The following TMEM51 variants were observed in gnomAD, a reference collection of about 807,000 sequenced individuals.
TMEM51 encodes chromosome 1 open reading frame 72.
Under a neutral mutation model 13.6 loss-of-function variants are expected in TMEM51, and 8 were observed. The observed-to-expected ratio is 0.59, with a 90% CI of 0.35 to 1.07. The LOEUF (loss-of-function observed/expected upper bound fraction) is 1.07, where lower values mean the gene tolerates loss of function less well. TMEM51 is among the 50% of genes least tolerant of loss of function. The probability of loss-of-function intolerance (pLI) is 0.02; values close to 1 mark genes in which losing one functional copy is unlikely to be tolerated. For synonymous variants in TMEM51, 147 were observed against 144.4 expected (o/e 1.02, Z -0.13); for missense variants, 279 against 330.7 (o/e 0.84, Z 1.21).
At chr1:15,192,374 T>A (rs1643940828) in intron 1 of TMEM51, 7 of 408,068 alleles carry the variant, frequency 1.7e-5, no homozygotes, top group Non-Finnish European at 4.8e-6. Flanking sequence ...CACACTAGTA[T>A]CAGGAACTCC....
At chr1:15,176,643 A>G (rs1408986348) in intron 1 of TMEM51, among the ~76,000 whole-genome samples, 2 of 152,146 alleles carry the variant, frequency 1.3e-5, no homozygotes, top group African/African-American at 4.8e-5. Context: ...GAGAGAGAAC[A>G]TGTTTTTCTC....
At chr1:15,159,462 C>T (rs1403289687) in intron 1 of TMEM51, among the ~76,000 whole-genome samples, 1 of 152,252 alleles carries the variant, frequency 6.6e-6, no homozygotes, top group Non-Finnish European at 1.5e-5. Flanking sequence ...GCCAACAACC[C>T]AATTTATATT....
rs1642789147 is a variant in TMEM51 at position 15,161,753 on chromosome 1, A to G, written c.-267+7799A>G. Among the ~76,000 whole-genome samples, 1 of 151,754 alleles carries G rather than the reference A, an allele frequency of 6.6e-6. No individual in the cohort carries two copies. Among genetic ancestry groups the G allele is most frequent in the Non-Finnish European group, 1.5e-5 (1 of 68,010 alleles). On this transcript the variant is annotated intron_variant, in intron 1 of 3. Transcript: ENST00000376008. The surrounding 1 kb of genome is among the most constrained non-coding windows in gnomAD (Gnocchi z 4.0). ...AGACCATCCTGGCCAACATGGTGAA[A>G]CCCAGTCTTTACTAAAAATACAAAA... is the stretch of plus-strand genomic sequence containing the variant.
intron 1 of TMEM51, chr1:15,192,214 C>T (rs1036708948): frequency 2.6e-6 from 1 of 382,638 alleles, no homozygotes; most frequent in Non-Finnish European, 5.2e-6. Context: ...TGTAAGAGAT[C>T]TTTCTAAATC....
At chr1:15,199,084 C>T (rs1644103863) in intron 1 of TMEM51, among the ~76,000 whole-genome samples, 1 of 152,154 alleles carries the variant, frequency 6.6e-6, no homozygotes, top group South Asian at 2.1e-4. Context: ...TGCCATAATG[C>T]CATGCTGGCT....
In TMEM51 at chr1:15,184,547, C is replaced by T. The variant is rs373044567; in HGVS notation, c.-266-25943C>T. Among the ~76,000 whole-genome samples, 7 of 152,206 alleles carry T rather than the reference C, an allele frequency of 4.6e-5. No individual in the cohort carries two copies. In the South Asian group the frequency reaches 1.2e-3, roughly 27 times the overall value. On this transcript the variant is annotated intron_variant, in intron 1 of 3. Transcript: ENST00000376008. ...TTCTAGAAGCTCATTTTGGCTGCTG[C>T]GTAAAGACTTGCTAGGGCCAGGGCA...
At chr1:15,198,858 G>A (rs537206768) in intron 1 of TMEM51, among the ~76,000 whole-genome samples, 14 of 152,322 alleles carry the variant, frequency 9.2e-5, no homozygotes, top group East Asian at 1.9e-4. Flanking sequence ...GAGCTGTGCC[G>A]GGCAGGTGAC....
chr1:15,184,154 C>T (rs1464017368), intron 1 of TMEM51, among the ~76,000 whole-genome samples: 2 of 89,232 alleles, frequency 2.2e-5, no homozygotes, highest in South Asian at 4.6e-4. Flanking sequence ...TTCTCCTGCA[C>T]AGCCTCCCGA....
chr1:15,156,209 C>T (rs1042350635), intron 1 of TMEM51, among the ~76,000 whole-genome samples: 5 of 152,132 alleles, frequency 3.3e-5, no homozygotes, highest in African/African-American at 9.7e-5. Flanking sequence ...TGCGACTCTC[C>T]GGCTCGCTGG....
At chr1:15,199,051 T>A (rs1265316682) in intron 1 of TMEM51, among the ~76,000 whole-genome samples, 1 of 152,112 alleles carries the variant, frequency 6.6e-6, no homozygotes, top group Non-Finnish European at 1.5e-5. Context: ...GGCTTCTCTA[T>A]AGACAGTGAG....
At chr1:15,154,122 C>T (rs1461700148) in intron 1 of TMEM51, among the ~76,000 whole-genome samples, 168 bp downstream of exon 1, 2 of 152,122 alleles carry the variant, frequency 1.3e-5, no homozygotes, top group African/African-American at 2.4e-5. Context: ...CCGCACCCCG[C>T]ACCCTCTGCG....
intron 3 of TMEM51, among the ~76,000 whole-genome samples, chr1:15,217,522 G>A (rs1644449516): frequency 6.6e-6 from 1 of 152,150 alleles, no homozygotes; most frequent in South Asian, 2.1e-4. Flanking sequence ...ATTAGTTCCT[G>A]GGATCATGGA....
chr1:15,218,618 G>C (rs1644463787), intron 3 of TMEM51, among the ~76,000 whole-genome samples: 1 of 152,050 alleles, frequency 6.6e-6, no homozygotes, highest in Non-Finnish European at 1.5e-5. Context: ...AACAGGATGT[G>C]GTCCAGATGA....
chr1:15,153,198 G>C (rs558317557), upstream of TMEM51, among the ~76,000 whole-genome samples: 2 of 141,736 alleles, frequency 1.4e-5, no homozygotes, highest in East Asian at 2.2e-4. Flanking sequence ...CAGGGCAGAA[G>C]GGGGAGAGGG....
chr1:15,158,295 C>T (rs897196833), intron 1 of TMEM51, among the ~76,000 whole-genome samples: 3 of 152,110 alleles, frequency 2.0e-5, no homozygotes, highest in South Asian at 2.1e-4. Flanking sequence ...TCCAGAGGGC[C>T]GTTTTTCTGC....
At chr1:15,212,252 C>T (rs1396957657) in intron 2 of TMEM51, among the ~76,000 whole-genome samples, 1 of 152,090 alleles carries the variant, frequency 6.6e-6, no homozygotes, top group East Asian at 1.9e-4. Flanking sequence ...AATTGCCATC[C>T]CAATACCTTT....
chr1:15,171,435 C>T (rs1249930553), intron 1 of TMEM51: 12 of 865,206 alleles, frequency 1.4e-5, no homozygotes, highest in Non-Finnish European at 1.9e-5. Flanking sequence ...CCTGGGTACA[C>T]GGGCAAACTG....
At chr1:15,168,339 G>T in intron 1 of TMEM51, 2 of 848,744 alleles carry the variant, frequency 2.4e-6, no homozygotes, top group Non-Finnish European at 3.2e-6. Flanking sequence ...AAAGGGGTCT[G>T]TGCACCAAAA....
In TMEM51 at chr1:15,207,240, C is replaced by G. The variant is rs1644266015; in HGVS notation, c.-266-3250C>G. Among the ~76,000 whole-genome samples, 2 of 152,186 alleles carry G rather than the reference C, an allele frequency of 1.3e-5. No individual in the cohort carries two copies. The highest frequency in any genetic ancestry group is 4.8e-5 in the African/African-American group (2 of 41,444). On this transcript the variant is annotated intron_variant, in intron 1 of 3. Coordinates refer to ENST00000376008, the MANE Select transcript of TMEM51 (RefSeq NM_001136218.2). This position sits in a 1 kb window ranked among gnomAD's most constrained non-coding sequence, Gnocchi z 4.6. ...CGCCAGCCGCCTCCGACTGGCAAGACCTCCTCCCACTAAAGCCAGCTGGGC... is the reference window on the plus strand; with the variant it reads ...CGCCAGCCGCCTCCGACTGGCAAGAGCTCCTCCCACTAAAGCCAGCTGGGC...
Sources: allele counts gnomAD v4.1 joint callset (sites outside exome capture counted in the v4.1 genomes callset), GRCh38; gene constraint gnomAD v4.1.1; non-coding constraint Gnocchi (gnomAD v3.1); transcripts MANE v1.5; gene names NCBI Gene and HGNC (gene_info 2026-07-23, HGNC 2026-07-21).